MTUS1: variants seen among roughly 807,000 people sequenced by gnomAD.
The protein encoded by MTUS1 is microtubule associated scaffold protein 1, also known as microtubule-associated tumor suppressor 1.
In MTUS1, 109 loss-of-function variants were observed where a neutral mutation model predicts 120.8. That is an observed-to-expected ratio of 0.90 (90% CI 0.77 to 1.06). The LOEUF is 1.06. Ranked by LOEUF, MTUS1 falls within the 50% of genes least tolerant of loss-of-function variation. MTUS1 has a pLI of 0.00. For missense variants in MTUS1, 2,210 were observed against 1,486.3 expected, an observed-to-expected ratio of 1.49 and a Z score of -8.01; for synonymous variants, 737 against 550.5, an observed-to-expected ratio of 1.34 and a Z score of -4.74.
chr8:17,704,308 T>C (rs1210638385), intron 6 of MTUS1: 1 of 152,234 alleles, frequency 6.6e-6, no homozygotes, highest in Non-Finnish European at 1.5e-5. Context: ...CCAACCTGTC[T>C]ATTTTTGCTT....
intron 8 of MTUS1, among the ~76,000 whole-genome samples, chr8:17,664,717 T>C (rs1810518391): frequency 6.6e-6 from 1 of 152,068 alleles, no homozygotes; most frequent in Admixed American, 6.6e-5. Context: ...AGTGTGATGA[T>C]GTCATAACAT....
intron 1 of MTUS1, among the ~76,000 whole-genome samples, chr8:17,767,533 TA>T (rs71543699): frequency 0.056 from 7,855 of 141,228 alleles, 306 homozygotes; most frequent in African/African-American, 0.12. Flanking sequence ...CCCATCTCTT[TA>T]AAAAAAAAAA....
At chr8:17,799,341 A>G (rs748913030) in intron 1 of MTUS1, among the ~76,000 whole-genome samples, 2 of 152,154 alleles carry the variant, frequency 1.3e-5, no homozygotes, top group Non-Finnish European at 2.9e-5. Context: ...GACATGGAAA[A>G]TTTTTCATGA....
rs1172126688 is a variant in MTUS1 at position 17,645,966 on chromosome 8, T to A, written c.3773A>T (p.Asn1258Ile). Residue 1258 changes from asparagine to isoleucine, a missense_variant, in exon 15 of 15, where the codon AAT (asparagine) becomes ATT (isoleucine). Coordinates refer to ENST00000693296, the MANE Select transcript of MTUS1 (RefSeq NM_001363059.2). Reference protein sequence around the residue: ...SSAIPLQSPRNSGSFPSPSIS... With the variant: ...SSAIPLQSPRISGSFPSPSIS... ...GCTGGGGCTAGGGAAGGAGCCCGAA[T>A]TCCTTGGTGACTGCAAAGGGATGGC... 3 of 1,613,102 alleles carry A rather than the reference T, an allele frequency of 1.9e-6. No homozygotes were observed. Among genetic ancestry groups the A allele is most frequent in the African/African-American group, 2.7e-5 (2 of 74,884 alleles).
In MTUS1 at chr8:17,765,618, CA is replaced by C. The variant is rs3039983; in HGVS notation, c.-154-9658del. On this transcript the variant is annotated intron_variant, in intron 1 of 14. Transcript: ENST00000693296. ...TAGGAAACAGAGCAAGACTCTGTCT[CA>C]AAAAAAAAAAAAAAAGACTAGCTGT... Among the ~76,000 whole-genome samples the C allele has an allele frequency of 8.8e-4, 83 of 94,476 alleles. 1 individual carries two copies. Among genetic ancestry groups the C allele is most frequent in the Middle Eastern group, 0.011 (2 of 174 alleles). The allele number at this position is 94,476 out of a possible 152,430, so 62.0% of individuals were successfully genotyped here. A position where few individuals can be genotyped will look rare whatever the true frequency, so the allele number is the denominator to read the frequency against.
intron 6 of MTUS1, among the ~76,000 whole-genome samples, chr8:17,711,637 G>C (rs10112231): frequency 0.016 from 2,422 of 152,284 alleles, 67 homozygotes; most frequent in African/African-American, 0.055. Context: ...GTGTTCACTA[G>C]AGGAGCACTT....
At chr8:17,712,863 G>C (rs1179535245) in intron 6 of MTUS1, among the ~76,000 whole-genome samples, 1 of 152,078 alleles carries the variant, frequency 6.6e-6, no homozygotes, top group African/African-American at 2.4e-5. Flanking sequence ...CTGGGAAAAG[G>C]TGCTAAAACC....
intron 6 of MTUS1, among the ~76,000 whole-genome samples, chr8:17,698,309 G>T (rs1011780695): frequency 1.3e-5 from 2 of 152,152 alleles, no homozygotes; most frequent in African/African-American, 4.8e-5. Context: ...GCACAGTTAT[G>T]AATATCTTTT....
chr8:17,710,905 T>A (rs896909989), intron 6 of MTUS1, among the ~76,000 whole-genome samples: 1 of 152,234 alleles, frequency 6.6e-6, no homozygotes, highest in Non-Finnish European at 1.5e-5. Context: ...TATTACTATG[T>A]AATACACTAT....
intron 8 of MTUS1, among the ~76,000 whole-genome samples, chr8:17,662,844 G>GA (rs10616236): frequency 0.018 from 2,600 of 141,352 alleles, 79 homozygotes; most frequent in African/African-American, 0.063. Flanking sequence ...AGGAAAAAGA[G>GA]AAAAAAAAAA....
chr8:17,754,419 G>C lies in MTUS1; in HGVS notation c.1389C>G (p.Asn463Lys), dbSNP rs748684539. The C allele has an allele frequency of 3.1e-6, 5 of 1,614,038 alleles. No homozygotes were observed. The African/African-American group carries it at 6.7e-5, about 22-fold the overall frequency. Residue 463 changes from asparagine (N) to lysine (K), a missense_variant, in exon 2 of 15, where the codon AAC becomes AAG. Physicochemically the swap from Asn to Lys is moderately conservative, Grantham distance 94 (BLOSUM62 0). Transcript: ENST00000693296. ...CAGGTGCCTCCTTCGAGTCTGGTAT[G>C]TTTTTAAGCCCTCGATTACCCTTCT... ...KVEKGNRGLKNIPDSKEAPVN... is the reference protein window; with the variant it reads ...KVEKGNRGLKKIPDSKEAPVN...
At chr8:17,675,330 G>C in intron 7 of MTUS1, 78 bp from the exon 8 acceptor site, 1 of 1,288,528 alleles carries the variant, frequency 7.8e-7, no homozygotes, top group Non-Finnish European at 1.1e-6. Flanking sequence ...TTATCACTAG[G>C]AAAATGAGAC....
intron 8 of MTUS1, among the ~76,000 whole-genome samples, chr8:17,661,380 G>A (rs1236404632): frequency 6.6e-6 from 1 of 152,138 alleles, no homozygotes; most frequent in African/African-American, 2.4e-5. Flanking sequence ...AACCCATCTG[G>A]AAGCTCATAT....
chr8:17,791,942 T>C (rs2051819068), intron 1 of MTUS1, among the ~76,000 whole-genome samples: 1 of 152,160 alleles, frequency 6.6e-6, no homozygotes, highest in African/African-American at 2.4e-5. Context: ...GGAGACAAGG[T>C]ACTACCCCCA....
intron 6 of MTUS1, among the ~76,000 whole-genome samples, chr8:17,685,606 G>T (rs921977031): frequency 6.6e-6 from 1 of 152,096 alleles, no homozygotes; most frequent in African/African-American, 2.4e-5. Flanking sequence ...GAAAAGGCAA[G>T]CTACTACAGT....
In MTUS1 at chr8:17,706,856, T is replaced by C. The variant is rs138888821; in HGVS notation, c.2623+6358A>G. ...ATATGTTAAATGACAAAGCAGGATA[T>C]ACACTTATCTAAATTTCATTTAAAA... On this transcript the variant is annotated intron_variant, in intron 6 of 14. Transcript: ENST00000693296. Among the ~76,000 whole-genome samples, 1,336 of 152,332 alleles carry C rather than the reference T, an allele frequency of 8.8e-3. 18 individuals carry two copies. Among genetic ancestry groups the C allele is most frequent in the African/African-American group, 0.03 (1,239 of 41,564 alleles).
chr8:17,672,459 C>G (rs1371621764), intron 8 of MTUS1, among the ~76,000 whole-genome samples: 1 of 152,138 alleles, frequency 6.6e-6, no homozygotes, highest in Non-Finnish European at 1.5e-5. Flanking sequence ...CAACATCAGC[C>G]TAACCACTTT....
intron 11 of MTUS1, 26 bp from the exon 12 acceptor site, chr8:17,653,307 TAA>T (rs1807446538): frequency 6.7e-7 from 1 of 1,502,944 alleles, no homozygotes; most frequent in African/African-American, 1.4e-5. Context: ...ATGTGGAACT[TAA>T]GTTAACAAGA....
intron 1 of MTUS1, among the ~76,000 whole-genome samples, chr8:17,787,040 C>A (rs933802175): frequency 1.3e-5 from 2 of 152,172 alleles, no homozygotes; most frequent in Non-Finnish European, 2.9e-5. Context: ...TGCTGAAAAG[C>A]GATCGGAAGC....
Sources: allele counts gnomAD v4.1 joint callset (sites outside exome capture counted in the v4.1 genomes callset), GRCh38; gene constraint gnomAD v4.1.1; transcripts MANE v1.5; gene names NCBI Gene and HGNC (gene_info 2026-07-23, HGNC 2026-07-21).